DOCK3: variants seen among roughly 807,000 people sequenced by gnomAD.
DOCK3 encodes dedicator of cytokinesis 3, also known as dedicator of cytokinesis protein 3.
DOCK3 carries 60 observed loss-of-function variants against 265.6 expected under a neutral mutation model. The observed-to-expected ratio is 0.23, with a 90% CI of 0.18 to 0.28. The LOEUF (loss-of-function observed/expected upper bound fraction) is 0.28. Ranked by LOEUF, DOCK3 falls within the 10% of genes least tolerant of loss-of-function variation. The probability of loss-of-function intolerance (pLI) is 1.00; values close to 1 mark genes in which losing one functional copy is unlikely to be tolerated. For missense variants in DOCK3, 1,981 were observed against 2,594.3 expected (o/e 0.76, Z 5.14); for synonymous variants, 881 against 938.0 (o/e 0.94, Z 1.11).
intron 3 of DOCK3, among the ~76,000 whole-genome samples, chr3:50,850,024 G>A (rs1035592783): frequency 6.6e-6 from 1 of 151,882 alleles, no homozygotes; most frequent in African/African-American, 2.4e-5. Flanking sequence ...AATTCTAGAA[G>A]CTCTGATTGA....
intron 27 of DOCK3, among the ~76,000 whole-genome samples, chr3:51,308,981 A>C (rs2082884988): frequency 6.7e-6 from 1 of 150,172 alleles, no homozygotes; most frequent in Admixed American, 6.6e-5. Context: ...CTCACATCCC[A>C]GACGGGGCGG....
At chr3:51,190,876 A>G (rs2087898811) in intron 12 of DOCK3, among the ~76,000 whole-genome samples, 1 of 152,152 alleles carries the variant, frequency 6.6e-6, no homozygotes, top group South Asian at 2.1e-4. Flanking sequence ...TATGGAGATC[A>G]CAGAGATCTC....
chr3:51,320,561 G>T (rs1049390390), intron 32 of DOCK3, among the ~76,000 whole-genome samples: 1 of 152,182 alleles, frequency 6.6e-6, no homozygotes, highest in Non-Finnish European at 1.5e-5. Flanking sequence ...AGCCCAGCAA[G>T]CTAAGATCCA....
At chr3:51,091,529 A>G (rs2082635380) in intron 9 of DOCK3, among the ~76,000 whole-genome samples, 1 of 151,960 alleles carries the variant, frequency 6.6e-6, no homozygotes, top group African/African-American at 2.4e-5. Context: ...CAAAAATACA[A>G]AAAATTAGCT....
chr3:50,811,789 T>C (rs2043774628), intron 2 of DOCK3, among the ~76,000 whole-genome samples: 1 of 152,224 alleles, frequency 6.6e-6, no homozygotes, highest in African/African-American at 2.4e-5. Flanking sequence ...AATATATTGT[T>C]ATAACAGTTA....
At chr3:51,196,131 T>C (rs1317071808) in intron 12 of DOCK3, among the ~76,000 whole-genome samples, 1 of 151,822 alleles carries the variant, frequency 6.6e-6, no homozygotes, top group Non-Finnish European at 1.5e-5. Flanking sequence ...AGATTGGTTC[T>C]TGTCATGCTG....
At position 50,675,142 on chromosome 3, in the gene DOCK3, A is replaced by T. The variant is rs1209791713; in HGVS notation, c.-122A>T. On this transcript the variant is annotated 5_prime_UTR_variant, in exon 1 of 53. Transcript: ENST00000266037. The surrounding 1 kb of genome is among the most constrained non-coding windows in gnomAD (Gnocchi z 6.1). ...ACGGCCTGTGAGGGATGCGCCGCCC[A>T]CTGCCCCGCGCCGCCTGACCGTCCC... The T allele has an allele frequency of 7.6e-6, 5 of 657,202 alleles. No homozygotes were observed. In the East Asian group the frequency reaches 6.6e-4, roughly 87 times the overall value. 40.7% of individuals were successfully genotyped at this position (657,202 alleles called of 1,614,324 possible).
intron 1 of DOCK3, among the ~76,000 whole-genome samples, chr3:50,708,874 G>A (rs566673337): frequency 6.6e-6 from 1 of 152,318 alleles, no homozygotes; most frequent in Admixed American, 6.5e-5. Flanking sequence ...TTTCTTAGAA[G>A]CTCTGTTTGA....
At chr3:51,127,116 A>T (rs1239367016) in intron 9 of DOCK3, among the ~76,000 whole-genome samples, 1 of 152,158 alleles carries the variant, frequency 6.6e-6, no homozygotes, top group East Asian at 1.9e-4. Flanking sequence ...CTTGGGAGAA[A>T]GATGTAGGCT....
intron 1 of DOCK3, among the ~76,000 whole-genome samples, chr3:50,746,589 AG>A (rs2039460385): frequency 6.6e-6 from 1 of 152,024 alleles, no homozygotes; most frequent in Non-Finnish European, 1.5e-5. Flanking sequence ...AAGAAATCTG[AG>A]GCTGGGTAAT....
chr3:51,281,586 T>C (rs2081120649), intron 27 of DOCK3, among the ~76,000 whole-genome samples: 1 of 152,126 alleles, frequency 6.6e-6, no homozygotes, highest in Non-Finnish European at 1.5e-5. Context: ...CACTTTTTTT[T>C]CCTAGAGATT....
Position 50,698,517 on chromosome 3 carries a change from G to GTT in DOCK3, c.37+23241_37+23242dup. On this transcript the variant is annotated intron_variant, in intron 1 of 52. Coordinates refer to ENST00000266037, the MANE Select transcript of DOCK3 (RefSeq NM_004947.5). ...GTTTCTCTGTGGATGTATGTTTTTG[G>GTT]TTTTTTTTTTTTTTTTTTTTTTTTT... Among the ~76,000 whole-genome samples the GTT allele has an allele frequency of 4.9e-3, 96 of 19,510 alleles. 21 individuals are homozygous for GTT. The highest frequency in any genetic ancestry group is 0.028 in the South Asian group (7 of 248). The allele number at this position is 19,510 out of a possible 152,430, so 12.8% of individuals were successfully genotyped here.
rs1472189981 is a variant in DOCK3, at chr3:51,064,503, A to T, written c.371A>T (p.Asp124Val). Residue 124 changes from aspartate (D) to valine (V), a missense_variant, in exon 6 of 53, where the codon GAC becomes GTC. Coordinates refer to ENST00000266037, the MANE Select transcript of DOCK3 (RefSeq NM_004947.5). Reference sequence around the variant, plus strand: ...CGCCATGTGATGAATGAACTTATTGACCTGCGAAGGCAGCTACTGTCTGGT... The same window carrying T: ...CGCCATGTGATGAATGAACTTATTGTCCTGCGAAGGCAGCTACTGTCTGGT... ...KLRHVMNELI[D>V]LRRQLLSGHL... 2.5e-6 allele frequency: 4 copies of T among 1,613,964 alleles called. No homozygotes were observed. Among genetic ancestry groups the T allele is most frequent in the Non-Finnish European group, 3.4e-6 (4 of 1,179,864 alleles).
chr3:50,931,284 T>G (rs540774242), intron 4 of DOCK3, among the ~76,000 whole-genome samples: 10 of 152,348 alleles, frequency 6.6e-5, no homozygotes, highest in South Asian at 4.1e-4. Context: ...AACTTCACTT[T>G]CTTCATGAAT....
chr3:51,009,898 G>A (rs2078872439), intron 5 of DOCK3, among the ~76,000 whole-genome samples: 1 of 152,176 alleles, frequency 6.6e-6, no homozygotes, highest in Non-Finnish European at 1.5e-5. Context: ...TCAGGAGCAG[G>A]TTGTTCAGTT....
At chr3:51,380,749 C>T (rs2088563773) in intron 52 of DOCK3, among the ~76,000 whole-genome samples, 1 of 152,132 alleles carries the variant, frequency 6.6e-6, no homozygotes, top group Non-Finnish European at 1.5e-5. Context: ...GGCCTGATGA[C>T]CCAGCCTTTA....
intron 5 of DOCK3, among the ~76,000 whole-genome samples, chr3:50,991,250 A>T (rs2078092800): frequency 6.6e-6 from 1 of 152,180 alleles, no homozygotes; most frequent in South Asian, 2.1e-4. Context: ...ACATATCAAT[A>T]CTAACCTTGA....
chr3:51,202,287 A>G (rs1346844221), intron 12 of DOCK3, among the ~76,000 whole-genome samples: 5 of 151,072 alleles, frequency 3.3e-5, no homozygotes, highest in African/African-American at 9.8e-5. Flanking sequence ...TAATAAAGAA[A>G]AAAAGAGAGA....
chr3:50,839,251 A>G (rs1559707096), intron 2 of DOCK3, among the ~76,000 whole-genome samples: 1 of 152,152 alleles, frequency 6.6e-6, no homozygotes, highest in Admixed American at 6.5e-5. Flanking sequence ...GACATCTTAG[A>G]TGCTTTTGAG....
Sources: allele counts gnomAD v4.1 joint callset (sites outside exome capture counted in the v4.1 genomes callset), GRCh38; gene constraint gnomAD v4.1.1; non-coding constraint Gnocchi (gnomAD v3.1); transcripts MANE v1.5; gene names NCBI Gene and HGNC (gene_info 2026-07-23, HGNC 2026-07-21).